Variants in NUP210 observed in about 807,000 individuals in gnomAD.
NUP210 encodes nucleoporin 210.
A neutral mutation model predicts 196.0 loss-of-function variants in NUP210; 151 were observed. The observed-to-expected ratio is 0.77, with a 90% CI of 0.67 to 0.88. The LOEUF is 0.88. Among genes scored for constraint, NUP210 ranks in the 40% least tolerant of loss-of-function variants. The probability of loss-of-function intolerance (pLI) is 0.00; values close to 1 mark genes in which losing one functional copy is unlikely to be tolerated. For missense variants in NUP210, 2,314 were observed against 2,493.7 expected (o/e 0.93, Z 1.53); for synonymous variants, 1,070 against 1,052.7 (o/e 1.02, Z -0.32).
intron 6 of NUP210, among the ~76,000 whole-genome samples, chr3:13,383,350 G>A (rs1395736764): frequency 1.3e-5 from 2 of 152,038 alleles, no homozygotes; most frequent in African/African-American, 4.8e-5. Context: ...ATGAAAGGGA[G>A]GTGGGCCCTG....
intron 1 of NUP210, among the ~76,000 whole-genome samples, chr3:13,404,455 A>G (rs1448854712): frequency 6.6e-6 from 1 of 152,252 alleles, no homozygotes; most frequent in African/African-American, 2.4e-5. Context: ...TGGTAGGAAT[A>G]TGGGTATTCA....
chr3:13,363,846 G>A (rs1189459727), intron 14 of NUP210, among the ~76,000 whole-genome samples: 3 of 152,198 alleles, frequency 2.0e-5, no homozygotes, highest in African/African-American at 7.2e-5. Context: ...AGGACTGTGA[G>A]CTCAGCTTCT....
rs990653461 is a variant in NUP210, at chr3:13,317,722, G to A, written c.5623C>T (p.Pro1875Ser). Residue 1875 changes from proline (P) to serine (S), a missense_variant, in exon 40 of 40, where the codon CCT (proline) becomes TCT (serine). Pro to Ser is a moderately conservative substitution (Grantham distance 74). Transcript: ENST00000254508. Reference protein sequence around the residue: ...NALPPARKASPPSGLWSPAYA... With the variant: ...NALPPARKASSPSGLWSPAYA... ...GCTGGGCTCCACAGCCCTGAGGGAGGGCTGGCTTTGCGAGCAGGAGGCAAT... is the reference window on the plus strand; with the variant it reads ...GCTGGGCTCCACAGCCCTGAGGGAGAGCTGGCTTTGCGAGCAGGAGGCAAT... The A allele has an allele frequency of 6.2e-7, 1 of 1,611,728 alleles. No homozygotes were observed. The highest frequency in any genetic ancestry group is 1.3e-5 in the African/African-American group (1 of 74,894).
At chr3:13,337,960 G>A (rs769178169) in intron 25 of NUP210, 43 bp from the exon 26 acceptor site, 9 of 1,570,538 alleles carry the variant, frequency 5.7e-6, no homozygotes, top group Non-Finnish European at 7.8e-6. Context: ...ATGCAGTGCT[G>A]GCCAGGGATG....
At position 13,386,322 on chromosome 3, in the gene NUP210, G is replaced by T. The variant is rs780584240; in HGVS notation, c.770C>A (p.Thr257Asn). The change falls in exon 6 of 40, where the codon ACC becomes AAC. Residue 257 changes from threonine (T) to asparagine (N), a missense_variant. Thr to Asn is a moderately conservative substitution (Grantham distance 65). Transcript: ENST00000254508. Reference sequence around the variant, plus strand: ...CTTCTGCACCTTGTAGTGAATGGAGGTTCCCACCATCAGGTAGACGTCATA... The same window carrying T: ...CTTCTGCACCTTGTAGTGAATGGAGTTTCCCACCATCAGGTAGACGTCATA... ...PAYDVYLMVGTSIHYKVQKIR... is the reference protein window; with the variant it reads ...PAYDVYLMVGNSIHYKVQKIR... 11 of 1,614,150 alleles carry T rather than the reference G, an allele frequency of 6.8e-6. No homozygotes were observed. The Admixed American group carries it at 1.8e-4, about 27-fold the overall frequency.
chr3:13,410,309 G>T (rs73134608), intron 1 of NUP210, among the ~76,000 whole-genome samples: 40,247 of 151,680 alleles, frequency 0.27, 8,365 homozygotes, highest in African/African-American at 0.58. Flanking sequence ...GCCTCCCGAG[G>T]AGCTAGGAAA....
intron 20 of NUP210, among the ~76,000 whole-genome samples, chr3:13,344,600 G>A (rs905182357): frequency 3.9e-5 from 6 of 152,016 alleles, no homozygotes; most frequent in Admixed American, 1.3e-4. Context: ...AACCAAATAG[G>A]ATCACATCAC....
chr3:13,394,351 T>A (rs1445459255), intron 3 of NUP210, among the ~76,000 whole-genome samples: 1 of 152,210 alleles, frequency 6.6e-6, no homozygotes, highest in Non-Finnish European at 1.5e-5. Flanking sequence ...AAAGTTTTGC[T>A]TTTTCCACGC....
At chr3:13,386,443 G>A (rs371190458) in intron 5 of NUP210, 36 bp from the exon 6 acceptor site, 50 of 1,612,324 alleles carry the variant, frequency 3.1e-5, no homozygotes, top group Admixed American at 1.2e-4. Flanking sequence ...AGTGAGGTGC[G>A]GACAGGGAAT....
At chr3:13,382,079 CAT>C (rs1699121729) in intron 6 of NUP210, among the ~76,000 whole-genome samples, 1 of 152,240 alleles carries the variant, frequency 6.6e-6, no homozygotes, top group Non-Finnish European at 1.5e-5. Context: ...CAGCCCAACA[CAT>C]GTGCATGCTA....
intron 2 of NUP210, among the ~76,000 whole-genome samples, chr3:13,398,641 C>G (rs923457469): frequency 6.6e-6 from 1 of 152,252 alleles, no homozygotes; most frequent in Non-Finnish European, 1.5e-5. Flanking sequence ...TTATTTGGGC[C>G]GGGTGTGGTA....
Position 13,378,947 on chromosome 3 carries a change from T to C in NUP210, c.1010A>G (p.Asn337Ser). 1.9e-6 allele frequency: 3 copies of C among 1,614,142 alleles called. No individual in the cohort carries two copies. The highest frequency in any genetic ancestry group is 2.5e-6 in the Non-Finnish European group (3 of 1,179,990). Residue 337 changes from asparagine (N) to serine (S), a missense_variant, in exon 8 of 40, where the codon AAC becomes AGC. By Grantham distance (46) the Asn-to-Ser change is conservative. Coordinates refer to ENST00000254508, the MANE Select transcript of NUP210 (RefSeq NM_024923.4). ...AGGTTCGACCACGTAGATAGTGCTG[T>C]TGGGTAACCTAGAAGCACCTTGCAT... ...IRMQGASRLP[N>S]STIYVVEPGY...
chr3:13,384,303 G>A (rs888653025), intron 6 of NUP210, among the ~76,000 whole-genome samples: 1 of 152,220 alleles, frequency 6.6e-6, no homozygotes, highest in South Asian at 2.1e-4. Flanking sequence ...TTTCCTTTGG[G>A]GAGAAGCGGC....
chr3:13,353,438 G>A, intron 18 of NUP210, 116 bp downstream of exon 18: 1 of 826,058 alleles, frequency 1.2e-6, no homozygotes. Context: ...GGGTGGGGGA[G>A]TGGTGGTCAA....
chr3:13,353,588 T>C lies in NUP210; in HGVS notation c.2594A>G (p.Glu865Gly), dbSNP rs747277879. 6.2e-7 allele frequency: 1 copy of C among 1,614,144 alleles called. No homozygotes were observed. The highest frequency in any genetic ancestry group is 8.5e-7 in the Non-Finnish European group (1 of 1,180,014). ...AITATATGYQ[E>G]SHLSSARTKQ... ...TGTTCTGGCAGAGCTGAGGTGGGAC[T>C]CCTGGTAGCCAGTGGCAGTGGCAGT... is the stretch of plus-strand genomic sequence containing the variant. The change falls in exon 18 of 40, where the codon GAG (glutamate) becomes GGG (glycine). Residue 865 changes from glutamate to glycine, a missense_variant. Glu to Gly is a moderately conservative substitution (Grantham distance 98). Coordinates refer to ENST00000254508, the MANE Select transcript of NUP210 (RefSeq NM_024923.4).
chr3:13,364,279 T>C (rs547938820), intron 14 of NUP210, among the ~76,000 whole-genome samples: 1 of 152,256 alleles, frequency 6.6e-6, no homozygotes, highest in Admixed American at 6.5e-5. Context: ...ATTGCACAAG[T>C]AGGTAGGTAT....
At chr3:13,322,459 C>T in intron 34 of NUP210, 120 bp from the exon 35 acceptor site, 1 of 1,064,228 alleles carries the variant, frequency 9.4e-7, no homozygotes. Flanking sequence ...TGTCTTCCAG[C>T]AGGGCCCCAG....
At chr3:13,353,414 C>T in intron 18 of NUP210, 140 bp downstream of exon 18, 2 of 681,794 alleles carry the variant, frequency 2.9e-6, no homozygotes, top group Non-Finnish European at 5.2e-6. Context: ...TCTCCTGGGG[C>T]CTCCAAGAGG....
chr3:13,379,093 AG>A lies in NUP210; in HGVS notation c.977-114del. 7.5e-6 allele frequency: 7 copies of A among 931,406 alleles called. No homozygotes were observed. Among genetic ancestry groups the A allele is most frequent in the Non-Finnish European group, 1.1e-5 (6 of 569,996 alleles). The allele number at this position is 931,406 out of a possible 1,614,324, so 57.7% of individuals were successfully genotyped here. On this transcript the variant is annotated intron_variant, in intron 7 of 39. Coordinates refer to ENST00000254508, the MANE Select transcript of NUP210 (RefSeq NM_024923.4). The surrounding 1 kb of genome is among the most constrained non-coding windows in gnomAD (Gnocchi z 4.2). The stretch of plus-strand genomic sequence containing the variant: ...CAAGACATCACATGGAGAGAAGAAG[AG>A]GGGATGAAAACTCCCCTGGCTTAGG...
Sources: gnomAD v4.1 joint callset for allele counts (sites outside exome capture counted in the v4.1 genomes callset) on GRCh38, gnomAD v4.1.1 for gene constraint, Gnocchi (gnomAD v3.1) non-coding constraint, MANE v1.5 for transcripts, NCBI Gene and HGNC (gene_info 2026-07-23, HGNC 2026-07-21) for gene names.